Variants in VWA5B2 observed in about 807,000 individuals in gnomAD.
VWA5B2 encodes the protein von Willebrand factor A domain-containing protein 5B2.
A neutral mutation model predicts 118.5 loss-of-function variants in VWA5B2; 93 were observed. The ratio of observed to expected loss-of-function variants is 0.79; its 90% confidence interval spans 0.66 to 0.93. The LOEUF (loss-of-function observed/expected upper bound fraction) is 0.93, where lower values mean the gene tolerates loss of function less well. VWA5B2 is among the 40% of genes least tolerant of loss of function. The pLI is 0.00. For synonymous variants in VWA5B2, 708 were observed against 716.3 expected, an observed-to-expected ratio of 0.99 and a Z score of 0.19; for missense variants, 1,546 against 1,672.8, an observed-to-expected ratio of 0.92 and a Z score of 1.32.
Position 184,241,913 on chromosome 3 carries a change from C to T in VWA5B2, c.3604C>T (p.His1202Tyr). Residue 1202 changes from histidine (H) to tyrosine (Y), a missense_variant, in exon 20 of 20, where the codon CAC (histidine) becomes TAC (tyrosine). Around this residue, in one of 3 missense-constraint regions of VWA5B2, gnomAD observed 763 missense variants for 766.6 expected, o/e 1.00. Transcript: ENST00000691901. The surrounding 1 kb of genome is among the most constrained non-coding windows in gnomAD (Gnocchi z 5.1). ...GGCTGATTGCTGGCTGCGGGCCCAG[C>T]ACTTGCCTGACGGCCTTGACCTGGC... ...AKADCWLRAQ[H>Y]LPDGLDLAAL... 1 of 1,548,462 alleles carries T rather than the reference C, an allele frequency of 6.5e-7. No individual in the cohort carries two copies.
Position 184,237,300 on chromosome 3 carries a change from T to C in VWA5B2, c.1608T>C (p.Thr536=). 1.3e-6 allele frequency: 2 copies of C among 1,551,644 alleles called. No individual in the cohort carries two copies. Among genetic ancestry groups the C allele is most frequent in the Non-Finnish European group, 1.7e-6 (2 of 1,147,028 alleles). ...CTGTGGACTGGTTTGTGCCCGACAC[T>C]GTGGAGGCACTGCTGACCCCCCGGG... is the stretch of plus-strand genomic sequence containing the variant. The part of the protein sequence containing the change: ...DISVDWFVPD[T]VEALLTPREI... Residue 536 remains threonine (T), a synonymous_variant, in exon 12 of 20, where the codon ACT becomes ACC. Transcript: ENST00000691901. This position sits in a 1 kb window ranked among gnomAD's most constrained non-coding sequence, Gnocchi z 5.6.
At position 184,240,125 on chromosome 3, in the gene VWA5B2, C is replaced by T. The variant is rs1014827733; in HGVS notation, c.2740+89C>T. On this transcript the variant is annotated intron_variant, in intron 16 of 19. Transcript: ENST00000691901. ...TCTGTGTGTTTGATCACTCTCTATA[C>T]CTCGCTTTGATCACAAAGGATTTGA... 13 of 1,050,754 alleles carry T rather than the reference C, an allele frequency of 1.2e-5. No homozygotes were observed. The African/African-American group carries it at 2.1e-4, about 17-fold the overall frequency. 65.1% of individuals were successfully genotyped at this position (1,050,754 alleles called of 1,614,324 possible).
Position 184,242,100 on chromosome 3 carries a change from G to A in VWA5B2, c.*62G>A. ...AACACACTCAAGTCACTGCCGCCCAGGGCTGGCCTCTTGGTGCTGGGAAAG... is the reference window on the plus strand; with the variant it reads ...AACACACTCAAGTCACTGCCGCCCAAGGCTGGCCTCTTGGTGCTGGGAAAG... On this transcript the variant is annotated 3_prime_UTR_variant, in exon 20 of 20. Transcript: ENST00000691901. 2.0e-6 allele frequency: 3 copies of A among 1,527,164 alleles called. No homozygotes were observed. Among genetic ancestry groups the A allele is most frequent in the Non-Finnish European group, 2.6e-6 (3 of 1,138,678 alleles). 94.6% of individuals were successfully genotyped at this position (1,527,164 alleles called of 1,614,324 possible). A position where few individuals can be genotyped will look rare whatever the true frequency, so the allele number is the denominator to read the frequency against.
At chr3:184,234,178 C>T (rs1274014242) in intron 5 of VWA5B2, 88 bp from the exon 6 acceptor site, 1 of 1,470,016 alleles carries the variant, frequency 6.8e-7, no homozygotes, top group Non-Finnish European at 9.2e-7. Flanking sequence ...TGAGAGCTGA[C>T]TGAATCAGCC....
In VWA5B2 at chr3:184,241,876, G is replaced by A. The variant is rs61740544; in HGVS notation, c.3567G>A (p.Leu1189=). 50 of 1,546,454 alleles carry A rather than the reference G, an allele frequency of 3.2e-5. No homozygotes were observed. The African/African-American group carries it at 6.3e-4, about 19-fold the overall frequency. The stretch of plus-strand genomic sequence containing the variant: ...CCGCTGCCTTCGACGAGTGGGAACT[G>A]ACAGCGGCCAAGGCTGATTGCTGGC... ...RCAAAFDEWE[L]TAAKADCWLR... The change falls in exon 20 of 20, where the codon CTG becomes CTA. Residue 1189 remains leucine, a synonymous_variant. Coordinates refer to ENST00000691901, the MANE Select transcript of VWA5B2 (RefSeq NM_001390846.1). The surrounding 1 kb of genome is among the most constrained non-coding windows in gnomAD (Gnocchi z 5.1).
chr3:184,235,416 C>T, intron 8 of VWA5B2, 108 bp downstream of exon 8: 1 of 1,272,860 alleles, frequency 7.9e-7, no homozygotes, highest in Non-Finnish European at 1.1e-6. Context: ...TTGCTTCAAA[C>T]ACCATCTTCC....
Position 184,238,132 on chromosome 3 carries a change from C to G in VWA5B2, c.1720-171C>G, listed in dbSNP as rs1245012651. Among the ~76,000 whole-genome samples the G allele has an allele frequency of 3.3e-5, 5 of 152,022 alleles. No individual in the cohort carries two copies. Among genetic ancestry groups the G allele is most frequent in the Non-Finnish European group, 7.4e-5 (5 of 68,016 alleles). ...CCAAACTTAAAGCTCAGCTTCCCAG[C>G]AGCTCTATTAACCCTTACAGTGAAC... is the stretch of plus-strand genomic sequence containing the variant. On this transcript the variant is annotated intron_variant, in intron 12 of 19. Transcript: ENST00000691901. The surrounding 1 kb of genome is among the most constrained non-coding windows in gnomAD (Gnocchi z 5.0).
chr3:184,233,640 G>C lies in VWA5B2; in HGVS notation c.595G>C (p.Ala199Pro). Residue 199 changes from alanine to proline, a missense_variant, in exon 5 of 20, where the codon GCC (alanine) becomes CCC (proline). Ala to Pro is a conservative substitution (Grantham distance 27). Around this residue, in one of 3 missense-constraint regions of VWA5B2, gnomAD observed 775 missense variants for 882.3 expected, o/e 0.88. Coordinates refer to ENST00000691901, the MANE Select transcript of VWA5B2 (RefSeq NM_001390846.1). This position sits in a 1 kb window ranked among gnomAD's most constrained non-coding sequence, Gnocchi z 5.2. ...EEGLAWEELA[A>P]PRDVFSGPAR... is the part of the protein sequence containing the mutation. ...AGGGCTGGCCTGGGAGGAGCTGGCT[G>C]CCCCTCGGGACGTGTTCTCAGGCCC... 1 of 1,551,276 alleles carries C rather than the reference G, an allele frequency of 6.4e-7. No homozygotes were observed. The highest frequency in any genetic ancestry group is 8.7e-7 in the Non-Finnish European group (1 of 1,146,942).
chr3:184,236,098 C>G, intron 8 of VWA5B2, 54 bp from the exon 9 acceptor site: 1 of 1,468,666 alleles, frequency 6.8e-7, no homozygotes. Context: ...TTCCCTTGCT[C>G]TGTATCAGGG....
In VWA5B2 at chr3:184,239,801, G is replaced by A. The variant is rs1414959585; in HGVS notation, c.2505G>A (p.Gln835=). 6 of 1,547,760 alleles carry A rather than the reference G, an allele frequency of 3.9e-6. No homozygotes were observed. The highest frequency in any genetic ancestry group is 4.4e-6 in the Non-Finnish European group (5 of 1,144,146). ...GELAPPAVPP[Q]APRCHVVIRG... Reference sequence around the variant, plus strand: ...TGGCCCCTCCAGCAGTGCCTCCCCAGGCTCCACGCTGCCATGTGGTGATCC... The same window carrying A: ...TGGCCCCTCCAGCAGTGCCTCCCCAAGCTCCACGCTGCCATGTGGTGATCC... The change falls in exon 16 of 20, where the codon CAG becomes CAA. Residue 835 remains glutamine, a synonymous_variant. Transcript: ENST00000691901. The surrounding 1 kb of genome is among the most constrained non-coding windows in gnomAD (Gnocchi z 5.1).
At chr3:184,234,595 G>C (rs1033454229) in intron 6 of VWA5B2, 36 bp from the exon 7 acceptor site, 5 of 1,547,292 alleles carry the variant, frequency 3.2e-6, no homozygotes, top group African/African-American at 1.4e-5. Flanking sequence ...CCAGAGGCAG[G>C]GCCTTCCTTG....
At position 184,241,653 on chromosome 3, in the gene VWA5B2, G is replaced by GT. The variant is rs1718683557; in HGVS notation, c.3345dup (p.Val1116CysfsTer5). The stretch of plus-strand genomic sequence containing the variant: ...TTGCCCTGGGCACTTCTGGGCCCTG[G>GT]TGTTGGCCAGGGTGACAGTGCCACG... On this transcript the variant is annotated frameshift_variant, in exon 20 of 20. Transcript: ENST00000691901. LOFTEE classifies it high-confidence loss of function. This position sits in a 1 kb window ranked among gnomAD's most constrained non-coding sequence, Gnocchi z 5.1. The GT allele has an allele frequency of 6.5e-7, 1 of 1,536,736 alleles. No homozygotes were observed. The highest frequency in any genetic ancestry group is 8.7e-7 in the Non-Finnish European group (1 of 1,144,912).
chr3:184,241,439 G>T lies in VWA5B2; in HGVS notation c.3180+35G>T. The T allele has an allele frequency of 6.4e-7, 1 of 1,568,456 alleles. No individual in the cohort carries two copies. The highest frequency in any genetic ancestry group is 2.4e-5 in the East Asian group (1 of 42,432). ...CGGGAGGTGGAGGGTGGTGCCGCCGGGGCCGGGCGCTGTTTCAGCTCGCTT... is the reference window on the plus strand; with the variant it reads ...CGGGAGGTGGAGGGTGGTGCCGCCGTGGCCGGGCGCTGTTTCAGCTCGCTT... On this transcript the variant is annotated intron_variant, in intron 19 of 19. Transcript: ENST00000691901. The surrounding 1 kb of genome is among the most constrained non-coding windows in gnomAD (Gnocchi z 5.1).
Position 184,239,481 on chromosome 3 carries a change from AACC to A in VWA5B2, c.2292_2294del (p.Asn764_Gln765delinsLys). On this transcript the variant is annotated inframe_deletion, in exon 15 of 20. Coordinates refer to ENST00000691901, the MANE Select transcript of VWA5B2 (RefSeq NM_001390846.1). The surrounding 1 kb of genome is among the most constrained non-coding windows in gnomAD (Gnocchi z 5.1). ...CCTCTCATCCCCTCCAGGCCGGGCAAACCAAGTCCCCGGCCGACCCCGGAAACC... is the reference window on the plus strand; with the variant it reads ...CCTCTCATCCCCTCCAGGCCGGGCAAAAGTCCCCGGCCGACCCCGGAAACC... 6.5e-7 allele frequency: 1 copy of A among 1,550,084 alleles called. No homozygotes were observed. The highest frequency in any genetic ancestry group is 1.7e-4 in the Middle Eastern group (1 of 5,988).
In VWA5B2 at chr3:184,233,313, A is replaced by G. The variant is rs1242222573; in HGVS notation, c.446A>G (p.His149Arg). 6.5e-7 allele frequency: 1 copy of G among 1,537,478 alleles called. No homozygotes were observed. The highest frequency in any genetic ancestry group is 8.8e-7 in the Non-Finnish European group (1 of 1,140,562). The change falls in exon 4 of 20, where the codon CAT becomes CGT. Residue 149 changes from histidine (H) to arginine (R), a missense_variant. Physicochemically the swap from His to Arg is conservative, Grantham distance 29. Around this residue, in one of 3 missense-constraint regions of VWA5B2, gnomAD observed 775 missense variants for 882.3 expected, o/e 0.88. Transcript: ENST00000691901. This position sits in a 1 kb window ranked among gnomAD's most constrained non-coding sequence, Gnocchi z 5.2. ...CCCTCAAGGCCTGACGGGGTGCTGC[A>G]TGTGGCCCTGCCCACTGTGCTCACC... ...ELPSRPDGVL[H>R]VALPTVLTPL...
intron 9 of VWA5B2, 24 bp downstream of exon 9, chr3:184,236,286 G>A (rs929682943): frequency 1.4e-5 from 21 of 1,551,566 alleles, no homozygotes; most frequent in Non-Finnish European, 1.8e-5. Context: ...AGGGATCTGG[G>A]GGCCTTACAG....
At position 184,241,565 on chromosome 3, in the gene VWA5B2, C is replaced by T. The variant is rs769963358; in HGVS notation, c.3256C>T (p.Arg1086Cys). Residue 1086 changes from arginine to cysteine, a missense_variant, in exon 20 of 20, where the codon CGC becomes TGC. Physicochemically the swap from Arg to Cys is radical, Grantham distance 180 (BLOSUM62 -3). Coordinates refer to ENST00000691901, the MANE Select transcript of VWA5B2 (RefSeq NM_001390846.1). This position sits in a 1 kb window ranked among gnomAD's most constrained non-coding sequence, Gnocchi z 5.1. ...CGCCGCTGTGCGCATCTCGCAGGAG[C>T]GCCTCTGCCGTGCCTCGCCCTTTGC... The part of the protein sequence containing the change: ...FCAAVRISQE[R>C]LCRASPFAVH... 6.5e-7 allele frequency: 1 copy of T among 1,548,716 alleles called. No individual in the cohort carries two copies. The highest frequency in any genetic ancestry group is 1.2e-5 in the South Asian group (1 of 84,024).
At position 184,233,569 on chromosome 3, in the gene VWA5B2, C is replaced by T. The variant is rs779808253; in HGVS notation, c.531-7C>T. ...GGCCCAGTGACCCTCCTCATGCTCC[C>T]TTCCAGCCCCACCAGCTGCTTCGGG... On this transcript the variant is annotated splice_region_variant and splice_polypyrimidine_tract_variant and intron_variant, in intron 4 of 19. Coordinates refer to ENST00000691901, the MANE Select transcript of VWA5B2 (RefSeq NM_001390846.1). This position sits in a 1 kb window ranked among gnomAD's most constrained non-coding sequence, Gnocchi z 5.2. 3.0e-5 allele frequency: 46 copies of T among 1,549,612 alleles called. No homozygotes were observed. In the East Asian group the frequency reaches 7.6e-4, roughly 26 times the overall value.
intron 3 of VWA5B2, among the ~76,000 whole-genome samples, chr3:184,231,723 G>A (rs367919592): frequency 6.6e-6 from 1 of 152,364 alleles, no homozygotes. Context: ...CCTGTGCTGT[G>A]TGCTGTGCTT....
Sources: gnomAD v4.1 joint callset for allele counts (sites outside exome capture counted in the v4.1 genomes callset) on GRCh38, gnomAD v4.1.1 for gene constraint, gnomAD v4.1.1 regional missense constraint, Gnocchi (gnomAD v3.1) non-coding constraint, MANE v1.5 for transcripts, NCBI Gene and HGNC (gene_info 2026-07-23, HGNC 2026-07-21) for gene names.